Variants in BCOR observed in about 807,000 individuals in gnomAD.
BCOR encodes BCL-6 corepressor.
Under a neutral mutation model 86.7 loss-of-function variants are expected in BCOR, and 10 were observed. That is an observed-to-expected ratio of 0.12 (90% CI 0.07 to 0.20). The LOEUF (loss-of-function observed/expected upper bound fraction) is 0.20. Among genes scored for constraint, BCOR ranks in the 10% least tolerant of loss-of-function variants. The pLI, the probability that BCOR is intolerant of heterozygous loss-of-function variation, is 1.00. For missense variants in BCOR, 1,259 were observed against 1,452.1 expected (o/e 0.87, Z 2.16); for synonymous variants, 611 against 609.0 (o/e 1.00, Z -0.05).
intron 1 of BCOR, among the ~76,000 whole-genome samples, chrX:40,152,707 T>C (rs1056790155): frequency 2.7e-5 from 3 of 111,138 alleles, no homozygotes; most frequent in African/African-American, 9.8e-5. Context: ...TCTGCAGGAG[T>C]GCGGGGTGCT....
At chrX:40,145,221 G>A (rs763526508) in intron 1 of BCOR, among the ~76,000 whole-genome samples, 1 of 111,417 alleles carries the variant, frequency 9.0e-6, no homozygotes, top group Admixed American at 9.4e-5. Flanking sequence ...GCAGGTCCCA[G>A]AGCCGGCGGG....
intron 1 of BCOR, among the ~76,000 whole-genome samples, chrX:40,095,335 T>G (rs1393996553): frequency 9.0e-6 from 1 of 111,276 alleles, no homozygotes; most frequent in Non-Finnish European, 1.9e-5. Flanking sequence ...CGCAAGCAAT[T>G]CTGTTGGCAA....
intron 1 of BCOR, among the ~76,000 whole-genome samples, chrX:40,172,891 C>T (rs1162819091): frequency 8.9e-6 from 1 of 112,754 alleles, no homozygotes; most frequent in East Asian, 2.8e-4. Flanking sequence ...AATCGGCTGT[C>T]CCCAGTCCCC....
intron 1 of BCOR, among the ~76,000 whole-genome samples, chrX:40,117,719 A>T (rs1937417015): frequency 9.0e-6 from 1 of 110,694 alleles, no homozygotes; most frequent in Non-Finnish European, 1.9e-5. Context: ...GGGACACTCG[A>T]TCCCCTTTCT....
intron 2 of BCOR, chrX:40,076,955 C>T (rs749318328): frequency 4.4e-5 from 14 of 315,781 alleles, no homozygotes; most frequent in South Asian, 8.5e-5. Context: ...GAAGGCTGGT[C>T]GTGTCATCAA....
intron 1 of BCOR, among the ~76,000 whole-genome samples, chrX:40,081,547 G>C (rs1423776879): frequency 8.9e-6 from 1 of 111,982 alleles, no homozygotes; most frequent in Admixed American, 9.4e-5. Context: ...AGAGCCTCAG[G>C]GTGCTTTGCA....
rs1935686476 is a variant in BCOR, at chrX:40,074,540, G to A, written c.806C>T (p.Thr269Ile). Residue 269 changes from threonine to isoleucine, a missense_variant, in exon 4 of 15, where the codon ACA becomes ATA. Around this residue, in one of 7 missense-constraint regions of BCOR, gnomAD observed 534 missense variants for 594.8 expected, o/e 0.90. Transcript: ENST00000378444. ...CGGGATGGCTGGGGAGGCCGAAGGT[G>A]TCGAGAGCCTCATGGGTGATGCCAA... ...SSLASPMRLSTPSASPAIPPL... is the reference protein window; with the variant it reads ...SSLASPMRLSIPSASPAIPPL... 1 of 1,209,841 alleles carries A rather than the reference G, an allele frequency of 8.3e-7. No individual in the cohort carries two copies. Among genetic ancestry groups the A allele is most frequent in the Non-Finnish European group, 1.1e-6 (1 of 894,313 alleles).
intron 14 of BCOR, among the ~76,000 whole-genome samples, chrX:40,052,900 C>G (rs903898209): frequency 2.7e-5 from 3 of 111,736 alleles, no homozygotes; most frequent in Non-Finnish European, 5.6e-5. Context: ...AGAGTAACTA[C>G]TTCTAGCAGT....
chrX:40,101,257 C>T (rs973934812), upstream of BCOR, among the ~76,000 whole-genome samples: 1 of 111,518 alleles, frequency 9.0e-6, no homozygotes, highest in Non-Finnish European at 1.9e-5. Flanking sequence ...CCTTCTCCTG[C>T]CCCCTCCTCT....
chrX:40,082,948 G>A (rs1347310410), intron 1 of BCOR, among the ~76,000 whole-genome samples: 2 of 110,851 alleles, frequency 1.8e-5, no homozygotes, highest in African/African-American at 6.6e-5. Flanking sequence ...AGAGCAGGGA[G>A]GGAACTTCAG....
chrX:40,133,137 TTC>T (rs1937619295), intron 1 of BCOR, among the ~76,000 whole-genome samples: 1 of 111,067 alleles, frequency 9.0e-6, no homozygotes, highest in Admixed American at 9.5e-5. Context: ...TTTTCTTTTT[TTC>T]TTTTTTTTTT....
chrX:40,060,557 C>T (rs959345158), intron 10 of BCOR, among the ~76,000 whole-genome samples: 9 of 112,174 alleles, frequency 8.0e-5, no homozygotes, highest in Admixed American at 1.9e-4. Context: ...CCGCTATGGC[C>T]GGCAAGTTTG....
chrX:40,153,580 C>T (rs1017315562), intron 1 of BCOR, among the ~76,000 whole-genome samples: 7 of 111,670 alleles, frequency 6.3e-5, no homozygotes, highest in Non-Finnish European at 1.3e-4. Flanking sequence ...CTCCCTCTGC[C>T]TCGGAAGCTG....
chrX:40,115,151 C>T (rs1937375077), intron 1 of BCOR, among the ~76,000 whole-genome samples: 2 of 111,711 alleles, frequency 1.8e-5, no homozygotes, highest in South Asian at 3.8e-4. Flanking sequence ...TGCGCCAAAA[C>T]ACATGGCTAA....
At chrX:40,060,173 G>C (rs761006270) in intron 10 of BCOR, among the ~76,000 whole-genome samples, 1 of 112,313 alleles carries the variant, frequency 8.9e-6, no homozygotes, top group East Asian at 2.8e-4. Flanking sequence ...ACATCTGAAT[G>C]GACTATCATC....
At position 40,073,418 on chromosome X, in the gene BCOR, T is replaced by C; in HGVS notation, c.1928A>G (p.Asn643Ser). The change falls in exon 4 of 15, where the codon AAT becomes AGT. Residue 643 changes from asparagine to serine, a missense_variant. Physicochemically the swap from Asn to Ser is conservative, Grantham distance 46. Around this residue, in one of 7 missense-constraint regions of BCOR, gnomAD observed 534 missense variants for 594.8 expected, o/e 0.90. Transcript: ENST00000378444. ...AATTGGTGGGGACCTGAATGCCTCA[T>C]TTGGAGACAGAAATATAGAGCTTGG... Reference protein sequence around the residue: ...LPPSSIFLSPNEAFRSPPIPY... With the variant: ...LPPSSIFLSPSEAFRSPPIPY... 1 of 1,212,214 alleles carries C rather than the reference T, an allele frequency of 8.2e-7. No individual in the cohort carries two copies. The highest frequency in any genetic ancestry group is 1.1e-6 in the Non-Finnish European group (1 of 895,602).
chrX:40,074,846 C>T lies in BCOR; in HGVS notation c.500G>A (p.Gly167Asp). The T allele has an allele frequency of 8.3e-7, 1 of 1,211,600 alleles. No homozygotes were observed. Among genetic ancestry groups the T allele is most frequent in the African/African-American group, 1.7e-5 (1 of 57,742 alleles). The change falls in exon 4 of 15, where the codon GGC (glycine) becomes GAC (aspartate). Residue 167 changes from glycine (G) to aspartate (D), a missense_variant. Transcript: ENST00000378444. The stretch of plus-strand genomic sequence containing the variant: ...TTTGTCGCTGGCAGGCCTGTCCAAG[C>T]CCAGCGCTTCTGCTGTGGCTACAGC... Reference protein sequence around the residue: ...KSAVATAEALGLDRPASDKQS... With the variant: ...KSAVATAEALDLDRPASDKQS...
Position 40,073,045 on chromosome X carries a change from A to C in BCOR, c.2301T>G (p.Ile767Met). The C allele has an allele frequency of 8.3e-7, 1 of 1,211,684 alleles. No individual in the cohort carries two copies. The highest frequency in any genetic ancestry group is 1.1e-6 in the Non-Finnish European group (1 of 895,471). The change falls in exon 4 of 15, where the codon ATT becomes ATG. Residue 767 changes from isoleucine (I) to methionine (M), a missense_variant. Coordinates refer to ENST00000378444, the MANE Select transcript of BCOR (RefSeq NM_001123385.2). ...GTAACTTGGTGCTGCTAGTTTCCAA[A>C]ATCTCGGAAAACCGATTCCGGAGGG... is the stretch of plus-strand genomic sequence containing the variant. ...DPTLRNRFSE[I>M]LETSSTKLHP... is the part of the protein sequence containing the mutation.
At chrX:40,054,408 A>AT in intron 12 of BCOR, 75 bp from the exon 13 acceptor site, 3 of 793,149 alleles carry the variant, frequency 3.8e-6, no homozygotes, top group Non-Finnish European at 3.8e-6. Context: ...GCCACGTGGC[A>AT]TTTTTTCCTA....
Sources: gnomAD v4.1 joint callset for allele counts (sites outside exome capture counted in the v4.1 genomes callset) on GRCh38, gnomAD v4.1.1 for gene constraint, gnomAD v4.1.1 regional missense constraint, MANE v1.5 for transcripts, NCBI Gene and HGNC (gene_info 2026-07-23, HGNC 2026-07-21) for gene names.